Variants in SDK1 observed in about 807,000 individuals in gnomAD.
The protein encoded by SDK1 is sidekick cell adhesion molecule 1, also known as protein sidekick-1.
In SDK1, 157 loss-of-function variants were observed where a neutral mutation model predicts 245.5. That is an observed-to-expected ratio of 0.64 (90% CI 0.56 to 0.73). The LOEUF (loss-of-function observed/expected upper bound fraction) is 0.73, where lower values mean the gene tolerates loss of function less well. SDK1 is among the 30% of genes least tolerant of loss of function. SDK1 has a pLI of 0.00. For missense variants in SDK1, 3,583 were observed against 3,002.3 expected, an observed-to-expected ratio of 1.19 and a Z score of -4.52; for synonymous variants, 1,647 against 1,278.5, an observed-to-expected ratio of 1.29 and a Z score of -6.15.
chr7:3,561,793 A>G (rs1422975327), intron 1 of SDK1, among the ~76,000 whole-genome samples: 1 of 152,248 alleles, frequency 6.6e-6, no homozygotes, highest in Non-Finnish European at 1.5e-5. Flanking sequence ...AGCAAGCTGA[A>G]TAAATTTCTC....
intron 5 of SDK1, among the ~76,000 whole-genome samples, chr7:3,903,218 A>G (rs1263088661): frequency 1.3e-5 from 2 of 149,736 alleles, no homozygotes; most frequent in Non-Finnish European, 3.0e-5. Context: ...ATCTCGGCTC[A>G]CTGCAAGCTC....
rs6462647 is a variant in SDK1 at position 4,205,732 on chromosome 7, T to C, written c.5099-147T>C. ...CAGGACATAACTGTCTAAGGCCTCC[T>C]AAGCCAGGGCGACGGCCCAGGGAAG... On this transcript the variant is annotated intron_variant, in intron 35 of 44. Transcript: ENST00000404826. 1,869 of 682,118 alleles carry C rather than the reference T, an allele frequency of 2.7e-3. 32 individuals are homozygous for C. In the African/African-American group the frequency reaches 0.03, roughly 11 times the overall value. 42.3% of individuals were successfully genotyped at this position (682,118 alleles called of 1,614,324 possible).
intron 4 of SDK1, among the ~76,000 whole-genome samples, chr7:3,691,693 A>G (rs1784440562): frequency 6.6e-6 from 1 of 152,222 alleles, no homozygotes; most frequent in Admixed American, 6.5e-5. Flanking sequence ...ACACAAACAC[A>G]CACCCCTTGC....
In SDK1 at chr7:3,745,714, G is replaced by A. The variant is rs115963503; in HGVS notation, c.714-75736G>A. 3.8e-3 allele frequency among the ~76,000 whole-genome samples: 576 copies of A among 152,098 alleles called. 4 individuals are homozygous for A. Among genetic ancestry groups the A allele is most frequent in the African/African-American group, 0.012 (493 of 41,476 alleles). ...CCCCTCCCACCTCATTGCCCCTGCC[G>A]TTTAACATTGTTTTCAAATGTCTAG... On this transcript the variant is annotated intron_variant, in intron 4 of 44. Transcript: ENST00000404826.
At chr7:4,087,478 C>T (rs879760706) in intron 22 of SDK1, among the ~76,000 whole-genome samples, 3 of 113,800 alleles carry the variant, frequency 2.6e-5, no homozygotes, top group Non-Finnish European at 5.0e-5. Flanking sequence ...CACACACGCG[C>T]GCACACACAC....
rs75037702 is a variant in SDK1, at chr7:3,501,320, C to G, written c.299-117760C>G. Among the ~76,000 whole-genome samples the G allele has an allele frequency of 1.1e-4, 16 of 151,894 alleles. No homozygotes were observed. In the East Asian group the frequency reaches 2.7e-3, roughly 26 times the overall value. Reference sequence around the variant, plus strand: ...TATTAACTGTTTTTACTATTCTTCCCTCTGTTTTCTCCAACTTGCTCTTTC... The same window carrying G: ...TATTAACTGTTTTTACTATTCTTCCGTCTGTTTTCTCCAACTTGCTCTTTC... On this transcript the variant is annotated intron_variant, in intron 1 of 44. Coordinates refer to ENST00000404826, the MANE Select transcript of SDK1 (RefSeq NM_152744.4).
rs544410339 is a variant in SDK1 at position 3,351,417 on chromosome 7, GA to G, written c.298+49536del. Among the ~76,000 whole-genome samples the G allele has an allele frequency of 4.0e-3, 609 of 152,222 alleles. 6 individuals are homozygous for G. The highest frequency in any genetic ancestry group is 0.011 in the African/African-American group (450 of 41,546). ...CAGTATAGAGGAGGCAGGAAAAACA[GA>G]AAGCACACAATAACATGATAGCTAT... is the stretch of plus-strand genomic sequence containing the variant. On this transcript the variant is annotated intron_variant, in intron 1 of 44. Transcript: ENST00000404826.
intron 14 of SDK1, among the ~76,000 whole-genome samples, chr7:4,002,511 G>A (rs539727543): frequency 6.6e-6 from 1 of 152,192 alleles, no homozygotes; most frequent in Admixed American, 6.5e-5. Context: ...ATTACCCAAA[G>A]CATTGAACAA....
chr7:3,393,047 T>G (rs369516305), intron 1 of SDK1, among the ~76,000 whole-genome samples: 1 of 139,274 alleles, frequency 7.2e-6, no homozygotes, highest in Non-Finnish European at 1.5e-5. Flanking sequence ...CTCAGCTCAC[T>G]GCAATCTCCG....
intron 4 of SDK1, among the ~76,000 whole-genome samples, chr7:3,773,806 G>T (rs939034148): frequency 3.5e-4 from 54 of 152,130 alleles, no homozygotes; most frequent in African/African-American, 1.3e-3. Context: ...GCCTTTTGCT[G>T]GGCATGCACA....
intron 41 of SDK1, 150 bp from the exon 42 acceptor site, chr7:4,237,497 G>C (rs1434780312): frequency 2.4e-6 from 2 of 837,890 alleles, no homozygotes; most frequent in African/African-American, 3.4e-5. Context: ...CATGGGAAAA[G>C]TCCACCCGCC....
intron 1 of SDK1, among the ~76,000 whole-genome samples, chr7:3,582,574 T>C (rs538542557): frequency 1.6e-4 from 25 of 151,554 alleles, no homozygotes; most frequent in African/African-American, 5.6e-4. Flanking sequence ...AAATTAACTA[T>C]TGGGTACTAG....
chr7:3,457,700 T>A (rs139168331), intron 1 of SDK1, among the ~76,000 whole-genome samples: 156 of 152,280 alleles, frequency 1.0e-3, no homozygotes, highest in African/African-American at 3.6e-3. Context: ...GATCTTCCTC[T>A]AAGAGCTACA....
At chr7:4,244,832 T>C (rs1786747139) in intron 43 of SDK1, among the ~76,000 whole-genome samples, 1 of 152,206 alleles carries the variant, frequency 6.6e-6, no homozygotes, top group Non-Finnish European at 1.5e-5. Flanking sequence ...CCCAGCCTCT[T>C]CTTGGCCCTC....
At chr7:3,468,001 C>T (rs1781060827) in intron 1 of SDK1, among the ~76,000 whole-genome samples, 1 of 151,512 alleles carries the variant, frequency 6.6e-6, no homozygotes, top group African/African-American at 2.4e-5. Context: ...GATTTTAAAT[C>T]GTTTTCCACT....
chr7:4,203,293 A>G (rs7783622), intron 35 of SDK1, among the ~76,000 whole-genome samples: 49,431 of 152,092 alleles, frequency 0.33, 8,802 homozygotes, highest in African/African-American at 0.47. Flanking sequence ...TCATTGCCTC[A>G]GCAAGATCCC....
chr7:3,675,653 G>A (rs1180609987), intron 4 of SDK1, among the ~76,000 whole-genome samples: 3 of 151,804 alleles, frequency 2.0e-5, no homozygotes, highest in Non-Finnish European at 2.9e-5. Flanking sequence ...AGCTCACTGC[G>A]GCCTGGAACT....
In SDK1 at chr7:4,234,287, A is replaced by C. The variant is rs190100597; in HGVS notation, c.5992+868A>C. On this transcript the variant is annotated intron_variant, in intron 41 of 44. Coordinates refer to ENST00000404826, the MANE Select transcript of SDK1 (RefSeq NM_152744.4). ...GCACACCTTCGCTGTGAGGTACCGC[A>C]GGCTCCAGAGGCCACCCTGGGTCCA... is the stretch of plus-strand genomic sequence containing the variant. 3.4e-3 allele frequency among the ~76,000 whole-genome samples: 521 copies of C among 152,286 alleles called. 4 individuals are homozygous for C. Among genetic ancestry groups the C allele is most frequent in the African/African-American group, 0.012 (492 of 41,548 alleles).
chr7:4,178,650 A>G lies in SDK1; in HGVS notation c.5098+64A>G, dbSNP rs112885138. ...GCCACAGTGGTGGGGACAGCCAGGC[A>G]CGCTGCGGCCAAGCCCCTCAGGTGT... On this transcript the variant is annotated intron_variant, in intron 35 of 44. Coordinates refer to ENST00000404826, the MANE Select transcript of SDK1 (RefSeq NM_152744.4). The G allele has an allele frequency of 4.4e-3, 5,227 of 1,190,682 alleles. 147 individuals are homozygous for G. The African/African-American group carries it at 0.066, about 15-fold the overall frequency. The allele number at this position is 1,190,682 out of a possible 1,614,324, so 73.8% of individuals were successfully genotyped here.
Sources: gnomAD v4.1 joint callset for allele counts (sites outside exome capture counted in the v4.1 genomes callset) on GRCh38, gnomAD v4.1.1 for gene constraint, MANE v1.5 for transcripts, NCBI Gene and HGNC (gene_info 2026-07-23, HGNC 2026-07-21) for gene names.